The following SDK1 variants were observed in gnomAD, a reference collection of about 807,000 sequenced individuals.
SDK1 encodes protein sidekick-1.
A neutral mutation model predicts 245.5 loss-of-function variants in SDK1; 157 were observed. The ratio of observed to expected loss-of-function variants is 0.64; its 90% CI spans 0.56 to 0.73. The LOEUF (loss-of-function observed/expected upper bound fraction) is 0.73, where lower values mean the gene tolerates loss of function less well. SDK1 is among the 30% of genes least tolerant of loss of function. SDK1 has a pLI of 0.00. For synonymous variants in SDK1, 1,647 were observed against 1,278.5 expected (o/e 1.29, Z -6.15); for missense variants, 3,583 against 3,002.3 (o/e 1.19, Z -4.52).
At chr7:3,604,349 G>A (rs1007733991) in intron 1 of SDK1, among the ~76,000 whole-genome samples, 6 of 151,934 alleles carry the variant, frequency 3.9e-5, no homozygotes, top group Non-Finnish European at 8.8e-5. Flanking sequence ...TACTGATTCT[G>A]CTCTTACCTT....
At position 3,435,160 on chromosome 7, in the gene SDK1, CTGTATT is replaced by C. The variant is rs1399635056; in HGVS notation, c.298+133278_298+133283del. 4.5e-5 allele frequency among the ~76,000 whole-genome samples: 6 copies of C among 133,386 alleles called. No individual in the cohort carries two copies. In the East Asian group the frequency reaches 9.8e-4, roughly 22 times the overall value. 87.5% of individuals were successfully genotyped at this position (133,386 alleles called of 152,430 possible). A position where few individuals can be genotyped will look rare whatever the true frequency, so the allele number is the denominator to read the frequency against. On this transcript the variant is annotated intron_variant, in intron 1 of 44. Coordinates refer to ENST00000404826, the MANE Select transcript of SDK1 (RefSeq NM_152744.4). ...ATTCTTAATAATTTTGCAAAAGTCT[CTGTATT>C]TTTTTTTTTGAAATCTTTTTCTCAT...
intron 6 of SDK1, among the ~76,000 whole-genome samples, chr7:3,951,339 TCTC>T (rs776636544): frequency 1.3e-5 from 2 of 152,092 alleles, no homozygotes; most frequent in African/African-American, 2.4e-5. Flanking sequence ...TCATTGCTCT[TCTC>T]CTCTTAGTCA....
intron 1 of SDK1, among the ~76,000 whole-genome samples, chr7:3,608,321 C>T (rs996311220): frequency 4.6e-5 from 7 of 152,146 alleles, no homozygotes; most frequent in African/African-American, 1.7e-4. Context: ...GGGAGGTTGT[C>T]CGAGCTGGGA....
chr7:4,000,704 C>A (rs920839249), intron 14 of SDK1, among the ~76,000 whole-genome samples: 1 of 152,226 alleles, frequency 6.6e-6, no homozygotes, highest in South Asian at 2.1e-4. Context: ...GGCGAAGAGA[C>A]TTTGTTCTTC....
chr7:4,214,414 G>A (rs762415375), intron 38 of SDK1, among the ~76,000 whole-genome samples: 10 of 152,194 alleles, frequency 6.6e-5, no homozygotes, highest in Non-Finnish European at 1.5e-4. Context: ...TAGCAAGACC[G>A]TCCGTCACCA....
chr7:3,943,574 C>T (rs1170288647), intron 5 of SDK1, among the ~76,000 whole-genome samples: 2 of 150,938 alleles, frequency 1.3e-5, no homozygotes, highest in Admixed American at 6.6e-5. Flanking sequence ...CGCGGAGGCT[C>T]CCTGACCAGC....
In SDK1 at chr7:3,923,377, A is replaced by G. The variant is rs554665966; in HGVS notation, c.848-27546A>G. 8.5e-4 allele frequency among the ~76,000 whole-genome samples: 129 copies of G among 152,268 alleles called. 1 individual carries two copies. The highest frequency in any genetic ancestry group is 6.8e-3 in the Middle Eastern group (2 of 294). ...TATTGAGAGCCTACAGTTCACTGCAATTGAATGAAGGGAGGTTTGTTACGG... is the reference window on the plus strand; with the variant it reads ...TATTGAGAGCCTACAGTTCACTGCAGTTGAATGAAGGGAGGTTTGTTACGG... On this transcript the variant is annotated intron_variant, in intron 5 of 44. Coordinates refer to ENST00000404826, the MANE Select transcript of SDK1 (RefSeq NM_152744.4).
intron 1 of SDK1, among the ~76,000 whole-genome samples, chr7:3,603,888 T>A (rs570531167): frequency 6.6e-6 from 1 of 152,306 alleles, no homozygotes; most frequent in East Asian, 1.9e-4. Context: ...AGTTTTAACA[T>A]GAATGGTTGT....
chr7:3,818,913 G>T (rs12701191), intron 4 of SDK1, among the ~76,000 whole-genome samples: 1 of 152,098 alleles, frequency 6.6e-6, no homozygotes, highest in Non-Finnish European at 1.5e-5. Context: ...CTCTTGTGTT[G>T]CATGGCTGGA....
chr7:3,988,570 T>A (rs562895439), intron 14 of SDK1, among the ~76,000 whole-genome samples: 2 of 152,106 alleles, frequency 1.3e-5, no homozygotes, highest in Non-Finnish European at 2.9e-5. Context: ...CTGTGCTCTT[T>A]CTCCACACCG....
At chr7:3,316,795 C>G (rs1480047595) in intron 1 of SDK1, among the ~76,000 whole-genome samples, 1 of 152,158 alleles carries the variant, frequency 6.6e-6, no homozygotes, top group Non-Finnish European at 1.5e-5. Flanking sequence ...CTCCTGAAGT[C>G]TACAGTATTT....
At chr7:3,718,548 TAAATAAATAAATAAATAAA>T (rs1399852136) in intron 4 of SDK1, among the ~76,000 whole-genome samples, 2 of 132,352 alleles carry the variant, frequency 1.5e-5, no homozygotes, top group Middle Eastern at 3.4e-3. Context: ...AATAAATAAA[TAAATAAATAAATAAATAAA>T]TAAATAAATA....
intron 7 of SDK1, among the ~76,000 whole-genome samples, chr7:3,955,816 A>G (rs1409222050): frequency 6.6e-6 from 1 of 152,176 alleles, no homozygotes; most frequent in Non-Finnish European, 1.5e-5. Flanking sequence ...CTGAGCCTGC[A>G]CTTTGTCACA....
At chr7:3,521,329 C>G (rs1040478591) in intron 1 of SDK1, among the ~76,000 whole-genome samples, 2 of 152,188 alleles carry the variant, frequency 1.3e-5, no homozygotes, top group Non-Finnish European at 1.5e-5. Context: ...TTTGAAAGTA[C>G]CTTTTGCTTT....
At chr7:4,185,734 G>A (rs139386439) in intron 35 of SDK1, among the ~76,000 whole-genome samples, 4 of 152,130 alleles carry the variant, frequency 2.6e-5, no homozygotes, top group Non-Finnish European at 4.4e-5. Flanking sequence ...TGAGTTCCAT[G>A]AGGGCAGGGA....
At position 3,644,314 on chromosome 7, in the gene SDK1, A is replaced by G. The variant is rs1782752578; in HGVS notation, c.713+2209A>G. Among the ~76,000 whole-genome samples, 3 of 151,552 alleles carry G rather than the reference A, an allele frequency of 2.0e-5. No individual in the cohort carries two copies. The South Asian group carries it at 6.2e-4, about 32-fold the overall frequency. ...CTAGTAAAAATACCAGTTACCTTAGAAGATGGGATAATTGCTATCCTTTTT... is the reference window on the plus strand; with the variant it reads ...CTAGTAAAAATACCAGTTACCTTAGGAGATGGGATAATTGCTATCCTTTTT... On this transcript the variant is annotated intron_variant, in intron 4 of 44. Coordinates refer to ENST00000404826, the MANE Select transcript of SDK1 (RefSeq NM_152744.4).
intron 4 of SDK1, among the ~76,000 whole-genome samples, chr7:3,680,718 G>C (rs1300821703): frequency 6.6e-6 from 1 of 152,148 alleles, no homozygotes; most frequent in Non-Finnish European, 1.5e-5. Flanking sequence ...TCAAGAAATG[G>C]AACCTGTGGC....
chr7:3,792,003 C>T (rs774932800), intron 4 of SDK1, among the ~76,000 whole-genome samples: 3 of 152,040 alleles, frequency 2.0e-5, no homozygotes, highest in African/African-American at 7.2e-5. Context: ...TGGTTCATGC[C>T]TGTAGTCCCA....
chr7:3,966,290 G>T (rs1395236309), intron 9 of SDK1, among the ~76,000 whole-genome samples: 2 of 152,174 alleles, frequency 1.3e-5, no homozygotes, highest in African/African-American at 4.8e-5. Context: ...GGCAGAGGCG[G>T]CGGCTGTGCC....
Sources: gnomAD v4.1 joint callset for allele counts (sites outside exome capture counted in the v4.1 genomes callset) on GRCh38, gnomAD v4.1.1 for gene constraint, MANE v1.5 for transcripts, NCBI Gene and HGNC (gene_info 2026-07-23, HGNC 2026-07-21) for gene names.